TNFSF8: variants seen among roughly 807,000 people sequenced by gnomAD.
TNFSF8 encodes the protein TNF superfamily member 8.
A neutral mutation model predicts 22.0 loss-of-function variants in TNFSF8; 4 were observed. The observed-to-expected ratio is 0.18, with a 90% CI of 0.09 to 0.42. TNFSF8 has a LOEUF of 0.42. TNFSF8 is among the 10% of genes least tolerant of loss of function. TNFSF8 has a pLI of 1.00. For missense variants in TNFSF8, 233 were observed against 281.8 expected (o/e 0.83, Z 1.24); for synonymous variants, 106 against 112.5 (o/e 0.94, Z 0.37).
chr9:114,898,153 C>T (rs1021919875), downstream of TNFSF8, among the ~76,000 whole-genome samples: 3 of 136,926 alleles, frequency 2.2e-5, no homozygotes, highest in Non-Finnish European at 4.6e-5. Context: ...CAGGCGCACA[C>T]CACCATGCCC....
At chr9:114,923,526 T>TTTC (rs1357421157) in intron 1 of TNFSF8, among the ~76,000 whole-genome samples, 19 of 22,026 alleles carry the variant, frequency 8.6e-4, no homozygotes, top group Middle Eastern at 0.029. Context: ...TTCTTTCTTT[T>TTTC]TTTTTTTTTG....
Position 114,930,178 on chromosome 9 carries a change from G to T in TNFSF8, c.126C>A (p.Thr42=). The T allele has an allele frequency of 1.2e-6, 2 of 1,604,932 alleles. No homozygotes were observed. The highest frequency in any genetic ancestry group is 1.7e-6 in the Non-Finnish European group (2 of 1,175,642). Residue 42 remains threonine, a synonymous_variant, in exon 1 of 4, where the codon ACC becomes ACA. Transcript: ENST00000223795. ...CAAGGCACAGAGCCAGAGTGGCTGT[G>T]GTCAAATAGAAATAGCTGCGGCTCG... The part of the protein sequence containing the change: ...GTTSRSYFYL[T]TATLALCLVF...
intron 4 of TNFSF8, among the ~76,000 whole-genome samples, chr9:114,896,010 T>C (rs1827651965): frequency 6.6e-6 from 1 of 152,230 alleles, no homozygotes; most frequent in Non-Finnish European, 1.5e-5. Context: ...TCACGTTGAC[T>C]TGATGGTTTT....
In TNFSF8 at chr9:114,902,046, G is replaced by A. The variant is rs1304526364; in HGVS notation, c.*1885C>T. ...CTCCATGTTTTGGTATAGCAGGGAA[G>A]CTTCCATCTTTTTTTACTGAAGCAT... On this transcript the variant is annotated 3_prime_UTR_variant, in exon 4 of 4. Coordinates refer to ENST00000223795, the MANE Select transcript of TNFSF8 (RefSeq NM_001244.4). The A allele has an allele frequency of 8.1e-6, 8 of 985,260 alleles. No homozygotes were observed. Among genetic ancestry groups the A allele is most frequent in the Non-Finnish European group, 9.6e-6 (8 of 829,936 alleles). 61.0% of individuals were successfully genotyped at this position (985,260 alleles called of 1,614,324 possible). A position where few individuals can be genotyped will look rare whatever the true frequency, so the allele number is the denominator to read the frequency against.
intron 1 of TNFSF8, among the ~76,000 whole-genome samples, chr9:114,925,685 GTAT>G (rs368753556): frequency 6.6e-6 from 1 of 151,844 alleles, no homozygotes; most frequent in Non-Finnish European, 1.5e-5. Flanking sequence ...TTTAAAAAGA[GTAT>G]TATTATTATT....
At chr9:114,924,868 A>G (rs1828036527) in intron 1 of TNFSF8, among the ~76,000 whole-genome samples, 1 of 152,194 alleles carries the variant, frequency 6.6e-6, no homozygotes, top group Non-Finnish European at 1.5e-5. Context: ...TGCCCCTTCC[A>G]CTGGGGACCT....
intron 2 of TNFSF8, among the ~76,000 whole-genome samples, chr9:114,911,624 C>T (rs1013857966): frequency 6.6e-6 from 1 of 152,080 alleles, no homozygotes; most frequent in South Asian, 2.1e-4. Flanking sequence ...TTGGAGAATG[C>T]CCATATGAAC....
chr9:114,916,267 G>T (rs554802269), intron 2 of TNFSF8, among the ~76,000 whole-genome samples: 141 of 152,266 alleles, frequency 9.3e-4, no homozygotes, highest in Non-Finnish European at 1.5e-3. Flanking sequence ...TGAAAAGGGG[G>T]CTACCGTGTC....
chr9:114,920,746 G>A (rs1827977697), intron 1 of TNFSF8, among the ~76,000 whole-genome samples: 1 of 152,090 alleles, frequency 6.6e-6, no homozygotes, highest in Non-Finnish European at 1.5e-5. Context: ...TCGGCTCACT[G>A]TAGCCTCCAT....
rs146243430 is a variant in TNFSF8, at chr9:114,918,848, C to T, written c.196-710G>A. Among the ~76,000 whole-genome samples, 703 of 152,318 alleles carry T rather than the reference C, an allele frequency of 4.6e-3. 5 individuals are homozygous for T. Among genetic ancestry groups the T allele is most frequent in the African/African-American group, 0.016 (667 of 41,564 alleles). On this transcript the variant is annotated intron_variant, in intron 1 of 3. Coordinates refer to ENST00000223795, the MANE Select transcript of TNFSF8 (RefSeq NM_001244.4). ...ACTCCTGACCTTGTGGTCCACCCGC[C>T]TCAGCCTCCCAAAGTGCTGGGATTA...
chr9:114,929,874 CAT>C (rs10535780), intron 1 of TNFSF8, among the ~76,000 whole-genome samples: 58,251 of 144,882 alleles, frequency 0.4, 13,753 homozygotes, highest in Middle Eastern at 0.55. Flanking sequence ...CTCCCTTTCT[CAT>C]ATATATATAT....
chr9:114,899,829 C>A (rs1043501928), downstream of TNFSF8, among the ~76,000 whole-genome samples: 21 of 152,174 alleles, frequency 1.4e-4, no homozygotes, highest in African/African-American at 5.1e-4. Flanking sequence ...AGGTCATGAG[C>A]TCTGATCACA....
intron 1 of TNFSF8, among the ~76,000 whole-genome samples, chr9:114,922,870 G>C (rs988393620): frequency 2.0e-5 from 3 of 152,076 alleles, no homozygotes; most frequent in Admixed American, 2.0e-4. Context: ...CAGTAGGGAG[G>C]GGCCCTTAGG....
chr9:114,930,264 G>T lies in TNFSF8; in HGVS notation c.40C>A (p.Pro14Thr), dbSNP rs1183126490. 1.2e-6 allele frequency: 2 copies of T among 1,600,200 alleles called. No homozygotes were observed. The highest frequency in any genetic ancestry group is 1.7e-6 in the Non-Finnish European group (2 of 1,173,580). Residue 14 changes from proline (P) to threonine (T), a missense_variant, in exon 1 of 4, where the codon CCT becomes ACT. Physicochemically the swap from Pro to Thr is conservative, Grantham distance 38. Coordinates refer to ENST00000223795, the MANE Select transcript of TNFSF8 (RefSeq NM_001244.4). ...GLQQALNGMA[P>T]PGDTAMHVPA... ...ACATGCATGGCTGTGTCTCCAGGAGGGGCCATTCCGTTGAGTGCTTGCTGC... is the reference window on the plus strand; with the variant it reads ...ACATGCATGGCTGTGTCTCCAGGAGTGGCCATTCCGTTGAGTGCTTGCTGC...
intron 2 of TNFSF8, among the ~76,000 whole-genome samples, chr9:114,914,972 C>G (rs1317861877): frequency 6.6e-6 from 1 of 152,202 alleles, no homozygotes; most frequent in Non-Finnish European, 1.5e-5. Flanking sequence ...ATCCCAGGCT[C>G]TGAGCCACTG....
chr9:114,900,359 T>C (rs1032057710), downstream of TNFSF8, among the ~76,000 whole-genome samples: 3 of 152,200 alleles, frequency 2.0e-5, no homozygotes, highest in African/African-American at 7.2e-5. Context: ...TCTGCCAGGC[T>C]TGATGGAAGT....
At chr9:114,900,056 T>G (rs945076082), downstream of TNFSF8, among the ~76,000 whole-genome samples, 5 of 152,226 alleles carry the variant, frequency 3.3e-5, 1 homozygote, top group African/African-American at 1.2e-4. Context: ...TATGGTATAT[T>G]CAAACAATTA....
chr9:114,920,365 G>C (rs1827972457), intron 1 of TNFSF8, among the ~76,000 whole-genome samples: 1 of 152,238 alleles, frequency 6.6e-6, no homozygotes, highest in Non-Finnish European at 1.5e-5. Flanking sequence ...GCTGCTAGCA[G>C]TTCGGGAAGT....
intron 1 of TNFSF8, among the ~76,000 whole-genome samples, chr9:114,923,482 C>CTTTT (rs1433309853): frequency 1.7e-4 from 11 of 64,224 alleles, no homozygotes; most frequent in South Asian, 6.3e-4. Flanking sequence ...CTTTCTTTTT[C>CTTTT]TTTCTTTCTT....
Sources: gnomAD v4.1 joint callset for allele counts (sites outside exome capture counted in the v4.1 genomes callset) on GRCh38, gnomAD v4.1.1 for gene constraint, MANE v1.5 for transcripts, NCBI Gene and HGNC (gene_info 2026-07-23, HGNC 2026-07-21) for gene names.